The following GABRA4 variants were observed in gnomAD, a reference collection of about 807,000 sequenced individuals.
The protein encoded by GABRA4 is gamma-aminobutyric acid type A receptor subunit alpha4.
In GABRA4, 12 loss-of-function variants were observed where a neutral mutation model predicts 49.7. The ratio of observed to expected loss-of-function variants is 0.24; its 90% confidence interval spans 0.15 to 0.39. The LOEUF (loss-of-function observed/expected upper bound fraction) is 0.39, where lower values mean the gene tolerates loss of function less well. GABRA4 is among the 10% of genes least tolerant of loss of function. The pLI is 1.00. For missense variants in GABRA4, 506 were observed against 686.0 expected (o/e 0.74, Z 2.93); for synonymous variants, 288 against 240.2 (o/e 1.20, Z -1.84).
intron 8 of GABRA4, among the ~76,000 whole-genome samples, chr4:46,951,334 C>T (rs1466731812): frequency 2.0e-5 from 3 of 150,730 alleles, no homozygotes; most frequent in Non-Finnish European, 4.4e-5. Flanking sequence ...TTTACAAAGA[C>T]TACATTGTAT....
rs199800459 is a variant in GABRA4, at chr4:46,973,919, A to C, written c.721+313T>G. On this transcript the variant is annotated intron_variant, in intron 6 of 8. Transcript: ENST00000264318. Reference sequence around the variant, plus strand: ...AAAACCGAAAGCAGAAACAAAGCAAAGACAAAAAACAAGATCAGACTTCCT... The same window carrying C: ...AAAACCGAAAGCAGAAACAAAGCAACGACAAAAAACAAGATCAGACTTCCT... 4.6e-5 allele frequency among the ~76,000 whole-genome samples: 7 copies of C among 152,000 alleles called. No individual in the cohort carries two copies. In the East Asian group the frequency reaches 1.4e-3, roughly 30 times the overall value.
intron 8 of GABRA4, among the ~76,000 whole-genome samples, chr4:46,963,422 T>C (rs919344669): frequency 1.3e-5 from 2 of 151,778 alleles, no homozygotes; most frequent in African/African-American, 4.8e-5. Context: ...TCCTGTGCTA[T>C]TCTTGTGATA....
intron 8 of GABRA4, among the ~76,000 whole-genome samples, chr4:46,935,956 C>T (rs566742785): frequency 2.0e-5 from 3 of 152,140 alleles, no homozygotes; most frequent in South Asian, 2.1e-4. Flanking sequence ...AGTATGGGTG[C>T]GAATTAACAC....
intron 8 of GABRA4, 133 bp downstream of exon 8, chr4:46,964,837 T>C: frequency 1.0e-6 from 1 of 986,470 alleles, no homozygotes; most frequent in Non-Finnish European, 1.5e-6. Flanking sequence ...ACAGTTACTT[T>C]TATGTTTTTC....
intron 8 of GABRA4, among the ~76,000 whole-genome samples, chr4:46,948,406 A>G (rs1175407662): frequency 6.6e-6 from 1 of 152,144 alleles, no homozygotes; most frequent in African/African-American, 2.4e-5. Context: ...GGAGCATTCA[A>G]ACTAGGGAAG....
In GABRA4 at chr4:46,992,952, A is replaced by T; in HGVS notation, c.87-6T>A. The T allele has an allele frequency of 6.7e-7, 1 of 1,495,756 alleles. No homozygotes were observed. The highest frequency in any genetic ancestry group is 9.2e-7 in the Non-Finnish European group (1 of 1,085,428). 92.7% of individuals were successfully genotyped at this position (1,495,756 alleles called of 1,614,324 possible). On this transcript the variant is annotated splice_region_variant and splice_polypyrimidine_tract_variant and intron_variant, in intron 1 of 8. Coordinates refer to ENST00000264318, the MANE Select transcript of GABRA4 (RefSeq NM_000809.4). The stretch of plus-strand genomic sequence containing the variant: ...GTCCTGGGGATTCGTTTAAACTGCA[A>T]GCGAAAAAAAAAAAACCGGGGGCGG...
At chr4:46,974,723 T>C (rs1723076841) in intron 5 of GABRA4, among the ~76,000 whole-genome samples, 1 of 151,904 alleles carries the variant, frequency 6.6e-6, no homozygotes, top group Non-Finnish European at 1.5e-5. Context: ...GCAGATATAT[T>C]GAACTCCCAA....
At chr4:46,966,042 A>G (rs981079405) in intron 7 of GABRA4, among the ~76,000 whole-genome samples, 3 of 150,246 alleles carry the variant, frequency 2.0e-5, no homozygotes, top group African/African-American at 7.3e-5. Context: ...CTTAGCTTGG[A>G]AAAAATGTCA....
chr4:46,951,795 C>T lies in GABRA4; in HGVS notation c.1134+13175G>A, dbSNP rs964967402. 5.4e-5 allele frequency among the ~76,000 whole-genome samples: 8 copies of T among 149,164 alleles called. 2 individuals are homozygous for T. The highest frequency in any genetic ancestry group is 1.3e-4 in the Admixed American group (2 of 14,940). ...ATATGTGTGTATATATATGTGTGTA[C>T]GTGTGTGTGTGTGTGTGTGTACATA... On this transcript the variant is annotated intron_variant, in intron 8 of 8. Coordinates refer to ENST00000264318, the MANE Select transcript of GABRA4 (RefSeq NM_000809.4).
chr4:46,932,956 T>C (rs1356094859), intron 8 of GABRA4, among the ~76,000 whole-genome samples: 1 of 152,128 alleles, frequency 6.6e-6, no homozygotes, highest in Non-Finnish European at 1.5e-5. Context: ...TTGGATAAGT[T>C]ATAAATATCG....
chr4:46,932,367 T>A (rs551296579), intron 8 of GABRA4, among the ~76,000 whole-genome samples: 31 of 152,122 alleles, frequency 2.0e-4, no homozygotes, highest in Non-Finnish European at 4.0e-4. Context: ...TTACTTGGTG[T>A]CTGTTCTGCC....
chr4:46,931,168 G>A (rs773533849), intron 8 of GABRA4, among the ~76,000 whole-genome samples: 8 of 152,034 alleles, frequency 5.3e-5, no homozygotes, highest in South Asian at 2.1e-4. Context: ...GAAAGGAACC[G>A]TCCAAAATGA....
intron 2 of GABRA4, among the ~76,000 whole-genome samples, chr4:46,980,032 T>C (rs377612916): frequency 2.9e-4 from 44 of 151,900 alleles, no homozygotes; most frequent in South Asian, 6.2e-4. Flanking sequence ...GGAGTTCAAA[T>C]TTGGTTCTAA....
chr4:46,989,568 T>A (rs879726607), intron 2 of GABRA4, among the ~76,000 whole-genome samples: 1 of 152,238 alleles, frequency 6.6e-6, no homozygotes, highest in African/African-American at 2.4e-5. Context: ...GGAAACCATT[T>A]CAGTTCCTTT....
intron 3 of GABRA4, among the ~76,000 whole-genome samples, chr4:46,978,191 T>TATGG (rs1446620407): frequency 1.3e-5 from 2 of 152,016 alleles, no homozygotes; most frequent in East Asian, 3.9e-4. Context: ...AGCACAACTG[T>TATGG]ATGGATGAAT....
At chr4:46,934,743 A>G (rs1721550929) in intron 8 of GABRA4, among the ~76,000 whole-genome samples, 1 of 152,162 alleles carries the variant, frequency 6.6e-6, no homozygotes, top group Non-Finnish European at 1.5e-5. Flanking sequence ...CTTTGTGATT[A>G]CTTTTGTTTC....
At position 46,920,038 on chromosome 4, in the gene GABRA4, A is replaced by C. The variant is rs1720920997; in HGVS notation, c.*8187T>G. The C allele has an allele frequency of 1.3e-5, 2 of 151,692 alleles. No individual in the cohort carries two copies. Among genetic ancestry groups the C allele is most frequent in the South Asian group, 4.1e-4 (2 of 4,834 alleles). 9.4% of individuals were successfully genotyped at this position (151,692 alleles called of 1,614,324 possible). A position where few individuals can be genotyped will look rare whatever the true frequency, so the allele number is the denominator to read the frequency against. On this transcript the variant is annotated 3_prime_UTR_variant, in exon 9 of 9. Coordinates refer to ENST00000264318, the MANE Select transcript of GABRA4 (RefSeq NM_000809.4). ...GGAGACAATATACATAATCAGTAAA[A>C]TGACAAGCCAACATGCTGCACTGTG...
intron 2 of GABRA4, among the ~76,000 whole-genome samples, chr4:46,987,328 AAC>A (rs1278023336): frequency 6.6e-6 from 1 of 152,174 alleles, no homozygotes; most frequent in Non-Finnish European, 1.5e-5. Context: ...CCAGTATTCA[AAC>A]AGCACCTTCT....
chr4:46,946,546 GGGACTC>G (rs1240187497), intron 8 of GABRA4, among the ~76,000 whole-genome samples: 1 of 152,004 alleles, frequency 6.6e-6, no homozygotes, highest in Admixed American at 6.6e-5. Flanking sequence ...CAATATAATA[GGGACTC>G]CACTGTGGGG....
Sources: gnomAD v4.1 joint callset for allele counts (sites outside exome capture counted in the v4.1 genomes callset) on GRCh38, gnomAD v4.1.1 for gene constraint, MANE v1.5 for transcripts, NCBI Gene and HGNC (gene_info 2026-07-23, HGNC 2026-07-21) for gene names.